The following SYNPO2 variants were observed in gnomAD, a reference collection of about 807,000 sequenced individuals.
SYNPO2 encodes synaptopodin 2, also known as synaptopodin-2.
Under a neutral mutation model 85.0 loss-of-function variants are expected in SYNPO2, and 56 were observed. The observed-to-expected ratio is 0.66, with a 90% CI of 0.53 to 0.82. SYNPO2 has a LOEUF of 0.82. Ranked by LOEUF, SYNPO2 falls within the 40% of genes least tolerant of loss-of-function variation. The pLI, the probability that SYNPO2 is intolerant of heterozygous loss-of-function variation, is 0.00. For missense variants in SYNPO2, 1,575 were observed against 1,534.2 expected (o/e 1.03, Z -0.44); for synonymous variants, 602 against 591.1 (o/e 1.02, Z -0.27).
chr4:118,967,999 T>C (rs1012266662), intron 1 of SYNPO2, among the ~76,000 whole-genome samples: 2 of 152,222 alleles, frequency 1.3e-5, no homozygotes, highest in African/African-American at 4.8e-5. Flanking sequence ...TGACATTCAA[T>C]GTATTAACTT....
intron 1 of SYNPO2, among the ~76,000 whole-genome samples, chr4:118,950,483 G>A (rs1290921775): frequency 1.3e-5 from 2 of 152,212 alleles, no homozygotes; most frequent in African/African-American, 2.4e-5. Context: ...GCCAAGCAAG[G>A]GGAGTAGCTG....
chr4:118,997,123 C>A (rs1350279317), intron 1 of SYNPO2, among the ~76,000 whole-genome samples: 1 of 148,874 alleles, frequency 6.7e-6, no homozygotes, highest in Non-Finnish European at 1.5e-5. Context: ...GCCTGTAGTC[C>A]CAGCTACTTG....
chr4:118,908,775 G>T (rs915699992), intron 1 of SYNPO2, among the ~76,000 whole-genome samples: 1 of 152,092 alleles, frequency 6.6e-6, no homozygotes, highest in African/African-American at 2.4e-5. Flanking sequence ...AGGTTATAGG[G>T]TCCGTTTCAA....
chr4:118,955,244 C>T (rs1234336910), intron 1 of SYNPO2, among the ~76,000 whole-genome samples: 1 of 152,126 alleles, frequency 6.6e-6, no homozygotes, highest in Non-Finnish European at 1.5e-5. Flanking sequence ...AAGTAATCCA[C>T]CCTCCTGGGC....
chr4:118,929,040 C>T (rs1004166827), intron 1 of SYNPO2, among the ~76,000 whole-genome samples: 7 of 151,000 alleles, frequency 4.6e-5, no homozygotes, highest in South Asian at 2.1e-4. Flanking sequence ...GTTTCTTTGC[C>T]AGCATTTAGG....
intron 4 of SYNPO2, chr4:119,037,566 G>A: frequency 1.0e-6 from 1 of 989,838 alleles, no homozygotes. Flanking sequence ...AAGCATTTTG[G>A]TTCAAGTCAG....
At chr4:119,028,362 ATTG>A (rs1298766165) in intron 3 of SYNPO2, among the ~76,000 whole-genome samples, 2 of 151,904 alleles carry the variant, frequency 1.3e-5, no homozygotes, top group Non-Finnish European at 2.9e-5. Flanking sequence ...CTTCTAACCT[ATTG>A]TTATTCCTTT....
chr4:118,882,982 C>G (rs187392036), intron 1 of SYNPO2, among the ~76,000 whole-genome samples: 2 of 151,652 alleles, frequency 1.3e-5, no homozygotes, highest in Admixed American at 1.3e-4. Context: ...AGGATGGTCT[C>G]GATCTCCTGA....
intron 1 of SYNPO2, among the ~76,000 whole-genome samples, chr4:118,913,843 T>C (rs1318790989): frequency 6.6e-6 from 1 of 152,174 alleles, no homozygotes; most frequent in African/African-American, 2.4e-5. Context: ...CATCATCTTA[T>C]TCATTAAAAA....
Position 119,020,043 on chromosome 4 carries a change from C to T in SYNPO2, c.106-3387C>T, listed in dbSNP as rs183913273. On this transcript the variant is annotated intron_variant, in intron 1 of 4. Transcript: ENST00000307142. ...ACACACTTATACAATTATAAAAATA[C>T]GTAATTACGCACAATAGAAGGTAAG... Among the ~76,000 whole-genome samples, 38 of 152,218 alleles carry T rather than the reference C, an allele frequency of 2.5e-4. No homozygotes were observed. The East Asian group carries it at 2.7e-3, about 11-fold the overall frequency.
intron 1 of SYNPO2, among the ~76,000 whole-genome samples, chr4:119,007,255 T>TATAC (rs1370892568): frequency 4.6e-5 from 2 of 43,704 alleles, no homozygotes; most frequent in Admixed American, 2.5e-4. Flanking sequence ...TGTATATACA[T>TATAC]ATATATATAT....
At chr4:118,855,100 C>T (rs553954203) in intron 1 of SYNPO2, among the ~76,000 whole-genome samples, 8 of 148,470 alleles carry the variant, frequency 5.4e-5, no homozygotes, top group Admixed American at 2.1e-4. Context: ...AACAGGATGA[C>T]GTTCCAATTT....
chr4:118,878,895 C>T (rs1027315550), intron 1 of SYNPO2, among the ~76,000 whole-genome samples: 7 of 152,190 alleles, frequency 4.6e-5, no homozygotes, highest in East Asian at 1.9e-4. Flanking sequence ...ATGTTTTGTT[C>T]TTTCTCTCTC....
intron 1 of SYNPO2, among the ~76,000 whole-genome samples, chr4:119,017,847 C>G (rs1036598508): frequency 1.1e-4 from 16 of 152,122 alleles, no homozygotes; most frequent in African/African-American, 3.9e-4. Context: ...TGACAGCAAG[C>G]TGGCATGATT....
At chr4:119,050,196 G>C (rs1311645438) in intron 4 of SYNPO2, among the ~76,000 whole-genome samples, 4 of 152,018 alleles carry the variant, frequency 2.6e-5, no homozygotes, top group Non-Finnish European at 5.9e-5. Context: ...GCCAACCATA[G>C]TGGTAGGCAC....
At chr4:119,035,050 G>A (rs554361802) in intron 4 of SYNPO2, 7 of 985,334 alleles carry the variant, frequency 7.1e-6, no homozygotes, top group South Asian at 4.7e-5. Context: ...GCTCAAGAGC[G>A]ACAATCATTT....
At chr4:118,929,119 T>A (rs1365672005) in intron 1 of SYNPO2, among the ~76,000 whole-genome samples, 5 of 143,784 alleles carry the variant, frequency 3.5e-5, no homozygotes, top group Non-Finnish European at 3.0e-5. Context: ...TAGAAAGAGA[T>A]AAAGGAAAAG....
rs534014061 is a variant in SYNPO2 at position 118,871,864 on chromosome 4, T to C, written c.12+20924T>C. On this transcript the variant is annotated intron_variant, in intron 1 of 4. Coordinates refer to the SYNPO2 transcript ENST00000610556. ...GATTACAGGCGTGAGCCACCGCACC[T>C]GGCCTATAATCAATTGTTAAGTGAA... is the stretch of plus-strand genomic sequence containing the variant. Among the ~76,000 whole-genome samples, 441 of 152,344 alleles carry C rather than the reference T, an allele frequency of 2.9e-3. 4 individuals carry two copies. The highest frequency in any genetic ancestry group is 5.1e-3 in the Admixed American group (78 of 15,310).
intron 1 of SYNPO2, among the ~76,000 whole-genome samples, chr4:118,881,484 G>A (rs1732098801): frequency 6.6e-6 from 1 of 152,128 alleles, no homozygotes. Context: ...ATAAACTTCT[G>A]TTGCTTAGGC....
Sources: gnomAD v4.1 joint callset for allele counts (sites outside exome capture counted in the v4.1 genomes callset) on GRCh38, gnomAD v4.1.1 for gene constraint, MANE v1.5 for transcripts, NCBI Gene and HGNC (gene_info 2026-07-23, HGNC 2026-07-21) for gene names.